The following KDM4C variants were observed in gnomAD, a reference collection of about 807,000 sequenced individuals.
KDM4C encodes the protein lysine-specific demethylase 4C.
A neutral mutation model predicts 129.3 loss-of-function variants in KDM4C; 81 were observed. The observed-to-expected ratio is 0.63, with a 90% CI of 0.52 to 0.75. The LOEUF is 0.75. Ranked by LOEUF, KDM4C falls within the 30% of genes least tolerant of loss-of-function variation. The probability of loss-of-function intolerance (pLI) is 0.00; values close to 1 mark genes in which losing one functional copy is unlikely to be tolerated. For synonymous variants in KDM4C, 573 were observed against 456.1 expected (o/e 1.26, Z -3.26); for missense variants, 1,457 against 1,304.0 (o/e 1.12, Z -1.81).
rs528598763 is a variant in KDM4C, at chr9:6,869,574, C to T, written c.630-10438C>T. Reference sequence around the variant, plus strand: ...CTGGGCAGAAGGGGAAGGTGAACTCCAGCAGAGTCCTGGCAGATCCTAAGG... The same window carrying T: ...CTGGGCAGAAGGGGAAGGTGAACTCTAGCAGAGTCCTGGCAGATCCTAAGG... On this transcript the variant is annotated intron_variant, in intron 5 of 21. Coordinates refer to ENST00000381309, the MANE Select transcript of KDM4C (RefSeq NM_015061.6). Among the ~76,000 whole-genome samples, 3 of 152,346 alleles carry T rather than the reference C, an allele frequency of 2.0e-5. No homozygotes were observed. The East Asian group carries it at 5.8e-4, about 29-fold the overall frequency.
intron 15 of KDM4C, among the ~76,000 whole-genome samples, chr9:7,033,197 G>A (rs114931498): frequency 1.4e-4 from 21 of 151,412 alleles, no homozygotes; most frequent in African/African-American, 4.8e-4. Context: ...GGTGATGAGA[G>A]GCTGTCAGCC....
At chr9:7,108,337 A>G (rs1356803566) in intron 18 of KDM4C, among the ~76,000 whole-genome samples, 1 of 152,134 alleles carries the variant, frequency 6.6e-6, no homozygotes, top group Non-Finnish European at 1.5e-5. Flanking sequence ...CCTGGGCTCA[A>G]GTGATCCTCC....
At chr9:6,759,515 T>G (rs936742205) in intron 1 of KDM4C, among the ~76,000 whole-genome samples, 51 of 152,208 alleles carry the variant, frequency 3.4e-4, no homozygotes, top group African/African-American at 1.2e-3. Context: ...TTCGGGTTTT[T>G]TAGGTGCTTT....
chr9:6,915,585 C>T (rs986023843), intron 8 of KDM4C, among the ~76,000 whole-genome samples: 1 of 152,110 alleles, frequency 6.6e-6, no homozygotes, highest in Non-Finnish European at 1.5e-5. Flanking sequence ...TATTTTTAAC[C>T]CTTAAGAGAG....
At chr9:6,989,042 C>G (rs1818258665) in intron 11 of KDM4C, among the ~76,000 whole-genome samples, 1 of 152,328 alleles carries the variant, frequency 6.6e-6, no homozygotes, top group South Asian at 2.1e-4. Flanking sequence ...ATTTTTCCTG[C>G]TATAGCTCCA....
At chr9:6,952,137 A>G (rs1828263707) in intron 8 of KDM4C, among the ~76,000 whole-genome samples, 1 of 152,142 alleles carries the variant, frequency 6.6e-6, no homozygotes, top group Non-Finnish European at 1.5e-5. Context: ...GTGAAAAATT[A>G]CAAAATGCAC....
chr9:7,095,175 G>A (rs912212488), intron 17 of KDM4C, among the ~76,000 whole-genome samples: 4 of 152,174 alleles, frequency 2.6e-5, no homozygotes, highest in African/African-American at 7.2e-5. Context: ...TTGCACATCC[G>A]TGAATCAGAG....
At chr9:6,721,925 C>G (rs1816967525) in intron 1 of KDM4C, among the ~76,000 whole-genome samples, 1 of 152,098 alleles carries the variant, frequency 6.6e-6, no homozygotes, top group Admixed American at 6.6e-5. Flanking sequence ...TCTCACTATG[C>G]TGCCCAGGTT....
intron 17 of KDM4C, among the ~76,000 whole-genome samples, chr9:7,091,146 A>G (rs1270839556): frequency 1.3e-5 from 2 of 152,042 alleles, no homozygotes; most frequent in African/African-American, 2.4e-5. Flanking sequence ...GAACCTGACC[A>G]GGTGACTCTT....
At chr9:6,856,563 TG>T (rs1839862045) in intron 5 of KDM4C, among the ~76,000 whole-genome samples, 1 of 148,170 alleles carries the variant, frequency 6.7e-6, no homozygotes, top group Non-Finnish European at 1.5e-5. Flanking sequence ...TGTGTGTGTG[TG>T]TGTGTGTGTG....
At chr9:6,819,547 C>T (rs1211056129) in intron 4 of KDM4C, among the ~76,000 whole-genome samples, 1 of 152,146 alleles carries the variant, frequency 6.6e-6, no homozygotes, top group Non-Finnish European at 1.5e-5. Context: ...CTGAGTTGGA[C>T]TGACATTTTC....
chr9:6,815,982 A>G (rs1196293228), intron 4 of KDM4C, among the ~76,000 whole-genome samples: 1 of 152,320 alleles, frequency 6.6e-6, no homozygotes, highest in Non-Finnish European at 1.5e-5. Context: ...TTTAATGACA[A>G]GAGAGTTTAA....
chr9:7,109,274 A>G (rs1322348707), intron 18 of KDM4C, among the ~76,000 whole-genome samples: 1 of 152,234 alleles, frequency 6.6e-6, no homozygotes, highest in Non-Finnish European at 1.5e-5. Flanking sequence ...TTTTAATAAA[A>G]TTTTTATAAA....
In KDM4C at chr9:6,758,967, C is replaced by T. The variant is rs1393368867; in HGVS notation, c.-18+764C>T. On this transcript the variant is annotated intron_variant, in intron 1 of 21. Coordinates refer to ENST00000381309, the MANE Select transcript of KDM4C (RefSeq NM_015061.6). The surrounding 1 kb of genome is among the most constrained non-coding windows in gnomAD (Gnocchi z 4.6). ...AAAGCCAGCAGCCGGGATTCAGATG[C>T]TTTCCGCGTGGACTTGATGCTGGGC... Among the ~76,000 whole-genome samples the T allele has an allele frequency of 6.6e-6, 1 of 152,200 alleles. No homozygotes were observed. The highest frequency in any genetic ancestry group is 1.9e-4 in the East Asian group (1 of 5,194).
intron 8 of KDM4C, among the ~76,000 whole-genome samples, chr9:6,945,187 C>T (rs755847585): frequency 2.6e-5 from 4 of 152,160 alleles, no homozygotes; most frequent in Non-Finnish European, 4.4e-5. Flanking sequence ...AATGCTTACA[C>T]ACAAGGAAGC....
chr9:7,102,621 C>T (rs773304111), intron 17 of KDM4C, among the ~76,000 whole-genome samples: 11 of 152,038 alleles, frequency 7.2e-5, no homozygotes, highest in African/African-American at 2.2e-4. Context: ...TGTGAGGACA[C>T]GAAGAGTTAG....
intron 8 of KDM4C, among the ~76,000 whole-genome samples, chr9:6,906,025 C>A (rs937499385): frequency 6.6e-6 from 1 of 151,958 alleles, no homozygotes; most frequent in East Asian, 1.9e-4. Flanking sequence ...GAGTAAGTGA[C>A]GCATAGCTAC....
At chr9:6,774,251 G>C (rs1461492256) in intron 1 of KDM4C, among the ~76,000 whole-genome samples, 1 of 152,106 alleles carries the variant, frequency 6.6e-6, no homozygotes, top group Non-Finnish European at 1.5e-5. Context: ...TCCTCTGTTG[G>C]GTTCACAGTC....
At chr9:6,772,166 T>A (rs568086355) in intron 1 of KDM4C, among the ~76,000 whole-genome samples, 8 of 152,294 alleles carry the variant, frequency 5.3e-5, no homozygotes, top group African/African-American at 1.7e-4. Flanking sequence ...TCTTTTTTTT[T>A]TGAGACAGAG....
Sources: allele counts gnomAD v4.1 joint callset (sites outside exome capture counted in the v4.1 genomes callset), GRCh38; gene constraint gnomAD v4.1.1; non-coding constraint Gnocchi (gnomAD v3.1); transcripts MANE v1.5; gene names NCBI Gene and HGNC (gene_info 2026-07-23, HGNC 2026-07-21).